The following EYA4 variants were observed in gnomAD, a reference collection of about 807,000 sequenced individuals.
EYA4 encodes the protein protein phosphatase EYA4.
EYA4 carries 31 observed loss-of-function variants against 87.9 expected under a neutral mutation model. The ratio of observed to expected loss-of-function variants is 0.35; its 90% CI spans 0.27 to 0.48. The LOEUF (loss-of-function observed/expected upper bound fraction) is 0.48. Among genes scored for constraint, EYA4 ranks in the 20% least tolerant of loss-of-function variants. EYA4 has a pLI of 0.99. For missense variants in EYA4, 678 were observed against 761.4 expected (o/e 0.89, Z 1.29); for synonymous variants, 263 against 270.6 (o/e 0.97, Z 0.28).
intron 2 of EYA4, among the ~76,000 whole-genome samples, chr6:133,324,111 C>A (rs1479170438): frequency 6.6e-6 from 1 of 152,126 alleles, no homozygotes; most frequent in East Asian, 1.9e-4. Flanking sequence ...GACACCAATT[C>A]ATATATAATG....
chr6:133,497,432 T>G (rs1797734491), intron 13 of EYA4, among the ~76,000 whole-genome samples: 2 of 152,146 alleles, frequency 1.3e-5, no homozygotes, highest in East Asian at 3.9e-4. Flanking sequence ...CCCTGTTCAA[T>G]TGTCAACACT....
intron 2 of EYA4, among the ~76,000 whole-genome samples, chr6:133,331,463 A>G (rs1317150987): frequency 6.6e-6 from 1 of 152,224 alleles, no homozygotes; most frequent in Non-Finnish European, 1.5e-5. Context: ...AACATCTGGG[A>G]GCCAATTCAT....
At chr6:133,324,886 G>C (rs1005621251) in intron 2 of EYA4, among the ~76,000 whole-genome samples, 1 of 150,310 alleles carries the variant, frequency 6.7e-6, no homozygotes, top group Non-Finnish European at 1.5e-5. Flanking sequence ...AAAATTTATG[G>C]AGTATATTTC....
chr6:133,484,492 G>A (rs1185349065), intron 13 of EYA4, among the ~76,000 whole-genome samples: 2 of 152,210 alleles, frequency 1.3e-5, no homozygotes, highest in Admixed American at 6.5e-5. Flanking sequence ...CTAAACAGAT[G>A]TGAAGGTAAT....
At chr6:133,257,306 CAT>C (rs1477580296) in intron 1 of EYA4, among the ~76,000 whole-genome samples, 2 of 152,234 alleles carry the variant, frequency 1.3e-5, no homozygotes, top group Admixed American at 6.5e-5. Flanking sequence ...ACCATATAAA[CAT>C]GTGGGGTAGC....
At chr6:133,368,948 A>T (rs1389546896) in intron 2 of EYA4, among the ~76,000 whole-genome samples, 1 of 152,260 alleles carries the variant, frequency 6.6e-6, no homozygotes, top group East Asian at 1.9e-4. Flanking sequence ...CTTGTGCTAC[A>T]AATTACTCAG....
At position 133,382,576 on chromosome 6, in the gene EYA4, A is replaced by G. The variant is rs907048911; in HGVS notation, c.83+135A>G. ...AAGAACTTATCTTGATGGAAACTGT[A>G]TATCATGCTGGCTAGCGTACCACTA... On this transcript the variant is annotated intron_variant, in intron 3 of 19. Coordinates refer to ENST00000355286, the MANE Select transcript of EYA4 (RefSeq NM_004100.5). 5 of 777,032 alleles carry G rather than the reference A, an allele frequency of 6.4e-6. No individual in the cohort carries two copies. In the East Asian group the frequency reaches 9.8e-5, roughly 15 times the overall value. 48.1% of individuals were successfully genotyped at this position (777,032 alleles called of 1,614,324 possible).
chr6:133,242,736 C>T (rs1359656275), intron 1 of EYA4, among the ~76,000 whole-genome samples: 6 of 152,136 alleles, frequency 3.9e-5, no homozygotes, highest in Non-Finnish European at 7.4e-5. Context: ...GGACCGAGTC[C>T]GGTGGCAGAG....
chr6:133,269,279 A>G (rs1320830050), intron 1 of EYA4, among the ~76,000 whole-genome samples: 1 of 152,120 alleles, frequency 6.6e-6, no homozygotes, highest in Non-Finnish European at 1.5e-5. Context: ...AACAAACAAA[A>G]AAACCGAATG....
At chr6:133,296,635 G>C (rs1008681743) in intron 2 of EYA4, among the ~76,000 whole-genome samples, 6 of 152,154 alleles carry the variant, frequency 3.9e-5, no homozygotes, top group African/African-American at 1.4e-4. Flanking sequence ...ATTATGATGA[G>C]AAGCTTTTCG....
chr6:133,356,782 TGTGTGTGTG>T (rs1313295124), intron 2 of EYA4, among the ~76,000 whole-genome samples: 13 of 145,274 alleles, frequency 8.9e-5, no homozygotes, highest in African/African-American at 3.3e-4. Flanking sequence ...TGTGTGTGTG[TGTGTGTGTG>T]TATATATATA....
Position 133,528,962 on chromosome 6 carries a change from T to C in EYA4, c.*157T>C. ...AGAATGAAGAATTCAGATTGCTGAATGGAGTTAAACTTTAGTGCTACAGAA... is the reference window on the plus strand; with the variant it reads ...AGAATGAAGAATTCAGATTGCTGAACGGAGTTAAACTTTAGTGCTACAGAA... On this transcript the variant is annotated 3_prime_UTR_variant, in exon 20 of 20. Transcript: ENST00000355286. 7 of 1,502,926 alleles carry C rather than the reference T, an allele frequency of 4.7e-6. No individual in the cohort carries two copies. In the South Asian group the frequency reaches 5.0e-5, roughly 11 times the overall value. The allele number at this position is 1,502,926 out of a possible 1,614,324, so 93.1% of individuals were successfully genotyped here. A position where few individuals can be genotyped will look rare whatever the true frequency, so the allele number is the denominator to read the frequency against.
chr6:133,388,749 A>G (rs777009703), intron 3 of EYA4, among the ~76,000 whole-genome samples: 4 of 152,212 alleles, frequency 2.6e-5, no homozygotes, highest in Admixed American at 6.5e-5. Flanking sequence ...AACCAAAAGG[A>G]GGAAGGGCCT....
At chr6:133,366,579 AGTTT>A (rs1362716526) in intron 2 of EYA4, among the ~76,000 whole-genome samples, 4 of 152,200 alleles carry the variant, frequency 2.6e-5, no homozygotes, top group Non-Finnish European at 4.4e-5. Flanking sequence ...AATGTATGTG[AGTTT>A]GTCAGCCTTA....
At chr6:133,491,951 C>CAG (rs775422795) in intron 13 of EYA4, among the ~76,000 whole-genome samples, 1 of 83,740 alleles carries the variant, frequency 1.2e-5, no homozygotes, top group Non-Finnish European at 2.3e-5. Context: ...AACTCCGTCT[C>CAG]AAAAAAAAAA....
intron 2 of EYA4, among the ~76,000 whole-genome samples, chr6:133,349,146 A>G (rs1317070421): frequency 6.6e-6 from 1 of 152,216 alleles, no homozygotes; most frequent in Non-Finnish European, 1.5e-5. Flanking sequence ...AAGTGTTTGT[A>G]TAACTCACTC....
chr6:133,446,350 A>G (rs1265687707), intron 3 of EYA4, among the ~76,000 whole-genome samples: 3 of 152,140 alleles, frequency 2.0e-5, no homozygotes, highest in Non-Finnish European at 4.4e-5. Context: ...TAGTAATAAC[A>G]TGTTTTCCAT....
intron 3 of EYA4, among the ~76,000 whole-genome samples, chr6:133,438,347 C>G (rs1791906643): frequency 6.7e-6 from 1 of 150,128 alleles, no homozygotes; most frequent in Admixed American, 6.7e-5. Flanking sequence ...CTTCTCTGCT[C>G]CGTTCTATGG....
chr6:133,350,800 A>G (rs1300570257), intron 2 of EYA4, among the ~76,000 whole-genome samples: 5 of 152,046 alleles, frequency 3.3e-5, no homozygotes, highest in Admixed American at 6.5e-5. Flanking sequence ...TAAATGTTCT[A>G]TATTTTAGCT....
Sources: gnomAD v4.1 joint callset for allele counts (sites outside exome capture counted in the v4.1 genomes callset) on GRCh38, gnomAD v4.1.1 for gene constraint, MANE v1.5 for transcripts, NCBI Gene and HGNC (gene_info 2026-07-23, HGNC 2026-07-21) for gene names.